DSPP: variants seen among roughly 807,000 people sequenced by gnomAD.
The protein encoded by DSPP is dentin sialophosphoprotein.
Under a neutral mutation model 29.1 loss-of-function variants are expected in DSPP, and 28 were observed. The observed-to-expected ratio is 0.96, with a 90% confidence interval of 0.71 to 1.32. The LOEUF (loss-of-function observed/expected upper bound fraction) is 1.32, where lower values mean the gene tolerates loss of function less well. Among genes scored for constraint, DSPP ranks in the 40% most tolerant of loss-of-function variants. The probability of loss-of-function intolerance (pLI) is 0.00; values close to 1 mark genes in which losing one functional copy is unlikely to be tolerated. For missense variants in DSPP, 1,281 were observed against 1,629.9 expected (o/e 0.79, Z 3.69); for synonymous variants, 481 against 503.4 (o/e 0.96, Z 0.60).
chr4:87,614,387 C>T lies in DSPP; in HGVS notation c.1725C>T (p.Asn575=). ...GTGACAGTGACAGCAGTGATAGCAA[C>T]AGTAGCAGTGATAGTGACAGCAGTG... is the stretch of plus-strand genomic sequence containing the variant. ...DSSDSDSSDS[N]SSSDSDSSDS... Residue 575 remains asparagine (N), a synonymous_variant, in exon 5 of 5, where the codon AAC becomes AAT. Transcript: ENST00000651931. 1.9e-6 allele frequency: 3 copies of T among 1,576,488 alleles called. No individual in the cohort carries two copies. Among genetic ancestry groups the T allele is most frequent in the Non-Finnish European group, 2.6e-6 (3 of 1,161,610 alleles).
rs779569950 is a variant in DSPP, at chr4:87,616,153, ATAGCAGC to A, written c.3492_3498del (p.Asp1164GlufsTer148). The A allele has an allele frequency of 6.0e-5, 75 of 1,259,510 alleles. No homozygotes were observed. The highest frequency in any genetic ancestry group is 6.4e-5 in the African/African-American group (4 of 62,664). 78.0% of individuals were successfully genotyped at this position (1,259,510 alleles called of 1,614,324 possible). The stretch of plus-strand genomic sequence containing the variant: ...AGCAGCGACAGCAGTGACAGCAGCG[ATAGCAGC>A]GACAGCAGCGACAGCAGCGATAGCA... On this transcript the variant is annotated frameshift_variant, in exon 5 of 5. Coordinates refer to ENST00000651931, the MANE Select transcript of DSPP (RefSeq NM_014208.3). LOFTEE classifies it low-confidence loss of function (END_TRUNC).
rs2109999488 is a variant in DSPP at position 87,616,841 on chromosome 4, C to T, written c.*273C>T. On this transcript the variant is annotated 3_prime_UTR_variant, in exon 5 of 5. Coordinates refer to ENST00000651931, the MANE Select transcript of DSPP (RefSeq NM_014208.3). ...AAGTGTAAATCTAAACATAAAAGAA[C>T]AATTAAAATATTCTTTAATACTTCA... 1.6e-6 allele frequency: 1 copy of T among 621,106 alleles called. No individual in the cohort carries two copies. Among genetic ancestry groups the T allele is most frequent in the Non-Finnish European group, 2.8e-6 (1 of 359,252 alleles). The allele number at this position is 621,106 out of a possible 1,614,324, so 38.5% of individuals were successfully genotyped here.
rs745658479 is a variant in DSPP, at chr4:87,612,543, T to A, written c.357T>A (p.Tyr119Ter). 2.5e-6 allele frequency: 4 copies of A among 1,613,936 alleles called. No individual in the cohort carries two copies. Among genetic ancestry groups the A allele is most frequent in the Non-Finnish European group, 2.5e-6 (3 of 1,179,912 alleles). ...WNGDTGKAET[Y>*]GHDGIHGKEE... ...GGGACACAGGAAAAGCAGAAACATA[T>A]GGTCATGATGGAATACATGGGAAAG... The change falls in exon 4 of 5, where the codon TAT becomes TAA. Residue 119 changes from tyrosine (Y) to a stop codon, truncating the protein, a stop_gained. Coordinates refer to ENST00000651931, the MANE Select transcript of DSPP (RefSeq NM_014208.3). LOFTEE classifies it high-confidence loss of function.
rs773441043 is a variant in DSPP at position 87,614,383 on chromosome 4, G to A, written c.1721G>A (p.Ser574Asn). ...SDSSDSDSSD[S>N]NSSSDSDSSD... is the part of the protein sequence containing the mutation. ...AGCAGTGACAGTGACAGCAGTGATA[G>A]CAACAGTAGCAGTGATAGTGACAGC... Residue 574 changes from serine (S) to asparagine (N), a missense_variant, in exon 5 of 5, where the codon AGC becomes AAC. Transcript: ENST00000651931. The A allele has an allele frequency of 5.7e-6, 9 of 1,578,802 alleles. No individual in the cohort carries two copies. Among genetic ancestry groups the A allele is most frequent in the Admixed American group, 1.8e-5 (1 of 54,504 alleles).
At position 87,615,328 on chromosome 4, in the gene DSPP, G is replaced by T. The variant is rs762284730; in HGVS notation, c.2666G>T (p.Ser889Ile). 2.7e-5 allele frequency: 41 copies of T among 1,500,322 alleles called. No homozygotes were observed. Among genetic ancestry groups the T allele is most frequent in the Non-Finnish European group, 3.7e-5 (41 of 1,121,530 alleles). 92.9% of individuals were successfully genotyped at this position (1,500,322 alleles called of 1,614,324 possible). A position where few individuals can be genotyped will look rare whatever the true frequency, so the allele number is the denominator to read the frequency against. The change falls in exon 5 of 5, where the codon AGC becomes ATC. Residue 889 changes from serine to isoleucine, a missense_variant. Around this residue, in one of 4 missense-constraint regions of DSPP, gnomAD observed 444 missense variants for 611.4 expected, o/e 0.73. Coordinates refer to ENST00000651931, the MANE Select transcript of DSPP (RefSeq NM_014208.3). ...SSDSSDSNESSNSSDSSDSSN... is the reference protein window; with the variant it reads ...SSDSSDSNESINSSDSSDSSN... Reference sequence around the variant, plus strand: ...GATAGCAGTGACAGCAACGAAAGCAGCAATAGCAGTGACAGCAGTGATAGC... The same window carrying T: ...GATAGCAGTGACAGCAACGAAAGCATCAATAGCAGTGACAGCAGTGATAGC...
rs955421605 is a variant in DSPP, at chr4:87,614,253, A to G, written c.1591A>G (p.Asn531Asp). 35 of 1,614,272 alleles carry G rather than the reference A, an allele frequency of 2.2e-5. No homozygotes were observed. In the African/African-American group the frequency reaches 3.9e-4, roughly 18 times the overall value. Residue 531 changes from asparagine (N) to aspartate (D), a missense_variant, in exon 5 of 5, where the codon AAC (asparagine) becomes GAC (aspartate). By Grantham distance (23) the Asn-to-Asp change is conservative. Coordinates refer to ENST00000651931, the MANE Select transcript of DSPP (RefSeq NM_014208.3). ...TNNSDSNGNGNNGNDDNDKSD... is the reference protein window; with the variant it reads ...TNNSDSNGNGDNGNDDNDKSD... ...TAATAGTGACAGTAATGGCAATGGT[A>G]ACAATGGGAATGATGACAATGACAA...
chr4:87,611,964 C>T (rs920071805), intron 2 of DSPP, 141 bp from the exon 3 acceptor site: 48 of 867,966 alleles, frequency 5.5e-5, no homozygotes, highest in Non-Finnish European at 8.7e-5. Context: ...TTAGATCATA[C>T]TTTGGCCTTT....
At position 87,612,123 on chromosome 4, in the gene DSPP, C is replaced by T. The variant is rs1343488788; in HGVS notation, c.70C>T (p.Leu24=). 14 of 1,613,736 alleles carry T rather than the reference C, an allele frequency of 8.7e-6. No individual in the cohort carries two copies. Among genetic ancestry groups the T allele is most frequent in the Non-Finnish European group, 1.1e-5 (13 of 1,179,856 alleles). Residue 24 remains leucine (L), a synonymous_variant, in exon 3 of 5, where the codon CTG becomes TTG. Coordinates refer to ENST00000651931, the MANE Select transcript of DSPP (RefSeq NM_014208.3). ...WAIPVPQSKP[L]ERHVEKSMNL... ...TTGGCAGGTTCCTCAAAGCAAACCACTGGAGAGACATGTCGAAAAATCCAT... is the reference window on the plus strand; with the variant it reads ...TTGGCAGGTTCCTCAAAGCAAACCATTGGAGAGACATGTCGAAAAATCCAT...
At chr4:87,610,749 C>A in intron 1 of DSPP, 132 bp from the exon 2 acceptor site, 1 of 663,020 alleles carries the variant, frequency 1.5e-6, no homozygotes, top group Non-Finnish European at 2.7e-6. Flanking sequence ...TCTGGACCAT[C>A]GTATGTCTTC....
At position 87,616,314 on chromosome 4, in the gene DSPP, G is replaced by A. The variant is rs1283676848; in HGVS notation, c.3652G>A (p.Asp1218Asn). Residue 1218 changes from aspartate to asparagine, a missense_variant, in exon 5 of 5, where the codon GAC (aspartate) becomes AAC (asparagine). Physicochemically the swap from Asp to Asn is conservative, Grantham distance 23 (BLOSUM62 1). Coordinates refer to ENST00000651931, the MANE Select transcript of DSPP (RefSeq NM_014208.3). The stretch of plus-strand genomic sequence containing the variant: ...CAGCAGTGACAGCAGCGACAGCAGT[G>A]ACAGCAGCGACAGCAGTGACAGCAG... ...SDSSDSSDSS[D>N]SSDSSDSSDS... 6.6e-7 allele frequency: 1 copy of A among 1,516,542 alleles called. No homozygotes were observed. The highest frequency in any genetic ancestry group is 1.2e-5 in the South Asian group (1 of 81,296). 93.9% of individuals were successfully genotyped at this position (1,516,542 alleles called of 1,614,324 possible).
chr4:87,611,204 G>A (rs560414710), intron 2 of DSPP, among the ~76,000 whole-genome samples: 15 of 152,042 alleles, frequency 9.9e-5, no homozygotes, highest in Admixed American at 8.5e-4. Flanking sequence ...CCAATTCATC[G>A]TCTCATTCCT....
chr4:87,611,266 T>G (rs1727730728), intron 2 of DSPP, among the ~76,000 whole-genome samples: 1 of 152,186 alleles, frequency 6.6e-6, no homozygotes, highest in African/African-American at 2.4e-5. Flanking sequence ...AAAACATTTA[T>G]TCAGATTAAT....
At chr4:87,611,983 C>T (rs1727742041) in intron 2 of DSPP, 122 bp from the exon 3 acceptor site, 1 of 1,109,296 alleles carries the variant, frequency 9.0e-7, no homozygotes, top group Non-Finnish European at 1.3e-6. Context: ...TTGTGTTAAA[C>T]CTTTCTTCTT....
In DSPP at chr4:87,614,150, T is replaced by C; in HGVS notation, c.1488T>C (p.Asp496=). 1 of 1,614,202 alleles carries C rather than the reference T, an allele frequency of 6.2e-7. No homozygotes were observed. The highest frequency in any genetic ancestry group is 8.5e-7 in the Non-Finnish European group (1 of 1,180,040). Residue 496 remains aspartate (D), a synonymous_variant, in exon 5 of 5, where the codon GAT becomes GAC. Coordinates refer to ENST00000651931, the MANE Select transcript of DSPP (RefSeq NM_014208.3). The part of the protein sequence containing the change: ...SSRGDASYNS[D]ESKDNGNGSD... ...GAGGAGATGCTTCTTATAACTCTGATGAATCAAAAGATAATGGCAATGGCA... is the reference window on the plus strand; with the variant it reads ...GAGGAGATGCTTCTTATAACTCTGACGAATCAAAAGATAATGGCAATGGCA...
rs769352162 is a variant in DSPP at position 87,615,947 on chromosome 4, CAGCAGCGAT to C, written c.3294_3302del (p.Asp1119_Ser1121del). On this transcript the variant is annotated inframe_deletion, in exon 5 of 5. Transcript: ENST00000651931. ...GCAGTGACAGCAGCAATAGCAGTGA[CAGCAGCGAT>C]AGCAGCGACAGCAGCGACAGCAGCG... 1.6e-5 allele frequency: 8 copies of C among 496,052 alleles called. No individual in the cohort carries two copies. The highest frequency in any genetic ancestry group is 1.6e-4 in the African/African-American group (2 of 12,284). 30.7% of individuals were successfully genotyped at this position (496,052 alleles called of 1,614,324 possible).
Position 87,615,632 on chromosome 4 carries a change from TAGCAGTGAC to T in DSPP, c.2988_2996del (p.Asp999_Ser1001del), listed in dbSNP as rs746206177. On this transcript the variant is annotated inframe_deletion, in exon 5 of 5. Coordinates refer to ENST00000651931, the MANE Select transcript of DSPP (RefSeq NM_014208.3). Reference sequence around the variant, plus strand: ...GCAGCGATAGCAGTGACAGCAGTGATAGCAGTGACAGCAGTGACAGCAGTGATAGCAGCA... The same window carrying T: ...GCAGCGATAGCAGTGACAGCAGTGATAGCAGTGACAGCAGTGATAGCAGCA... The T allele has an allele frequency of 1.3e-3, 1,923 of 1,523,724 alleles. 4 individuals carry two copies. Among genetic ancestry groups the T allele is most frequent in the South Asian group, 3.6e-3 (299 of 82,574 alleles). 94.4% of individuals were successfully genotyped at this position (1,523,724 alleles called of 1,614,324 possible). A position where few individuals can be genotyped will look rare whatever the true frequency, so the allele number is the denominator to read the frequency against.
chr4:87,614,063 C>G lies in DSPP; in HGVS notation c.1401C>G (p.Ser467Arg). The change falls in exon 5 of 5, where the codon AGC (serine) becomes AGG (arginine). Residue 467 changes from serine to arginine, a missense_variant. By Grantham distance (110) the Ser-to-Arg change is moderately radical (BLOSUM62 -1). Around this residue, in one of 4 missense-constraint regions of DSPP, gnomAD observed 631 missense variants for 643.2 expected, o/e 0.98. Transcript: ENST00000651931. Reference sequence around the variant, plus strand: ...CCATGCAAGGAGATGATCCCAATAGCAGTGATGAATCTAATGGCAATGATG... The same window carrying G: ...CCATGCAAGGAGATGATCCCAATAGGAGTGATGAATCTAATGGCAATGATG... The part of the protein sequence containing the change: ...DKSMQGDDPN[S>R]SDESNGNDDA... The G allele has an allele frequency of 6.2e-7, 1 of 1,614,174 alleles. No homozygotes were observed. The highest frequency in any genetic ancestry group is 8.5e-7 in the Non-Finnish European group (1 of 1,180,040).
At chr4:87,611,711 C>T (rs1007236438) in intron 2 of DSPP, among the ~76,000 whole-genome samples, 1 of 152,192 alleles carries the variant, frequency 6.6e-6, no homozygotes, top group African/African-American at 2.4e-5. Flanking sequence ...CTCCTGTTCT[C>T]TTAAGAGTTT....
Position 87,613,924 on chromosome 4 carries a change from T to C in DSPP, c.1262T>C (p.Val421Ala), listed in dbSNP as rs1727793826. 3 of 1,614,110 alleles carry C rather than the reference T, an allele frequency of 1.9e-6. No individual in the cohort carries two copies. The South Asian group carries it at 3.3e-5, about 18-fold the overall frequency. The stretch of plus-strand genomic sequence containing the variant: ...AATGTCAAGACACAAGGAGAGGTTG[T>C]CAACATAGAAGGACCTGGCCAAAAA... ...KGNVKTQGEV[V>A]NIEGPGQKSE... The change falls in exon 5 of 5, where the codon GTC becomes GCC. Residue 421 changes from valine (V) to alanine (A), a missense_variant. Val to Ala is a moderately conservative substitution (Grantham distance 64). Around this residue, in one of 4 missense-constraint regions of DSPP, gnomAD observed 631 missense variants for 643.2 expected, o/e 0.98. Coordinates refer to ENST00000651931, the MANE Select transcript of DSPP (RefSeq NM_014208.3).
Sources: allele counts gnomAD v4.1 joint callset (sites outside exome capture counted in the v4.1 genomes callset), GRCh38; gene constraint gnomAD v4.1.1; regional missense constraint gnomAD v4.1.1; transcripts MANE v1.5; gene names NCBI Gene and HGNC (gene_info 2026-07-23, HGNC 2026-07-21).